CTDP1: variants seen among roughly 807,000 people sequenced by gnomAD.
CTDP1 encodes the protein RNA polymerase II subunit A C-terminal domain phosphatase.
A neutral mutation model predicts 91.8 loss-of-function variants in CTDP1; 47 were observed. That is an observed-to-expected ratio of 0.51 (90% CI 0.41 to 0.65). CTDP1 has a LOEUF of 0.65. CTDP1 is among the 30% of genes least tolerant of loss of function. The probability of loss-of-function intolerance (pLI) is 0.00; values close to 1 mark genes in which losing one functional copy is unlikely to be tolerated. For synonymous variants in CTDP1, 656 were observed against 598.5 expected (o/e 1.10, Z -1.40); for missense variants, 1,272 against 1,373.7 (o/e 0.93, Z 1.17).
intron 4 of CTDP1, among the ~76,000 whole-genome samples, chr18:79,700,047 C>T (rs1322576313): frequency 6.6e-6 from 1 of 152,140 alleles, no homozygotes; most frequent in African/African-American, 2.4e-5. Flanking sequence ...CCACATAAGA[C>T]GGCAAACGTA....
At chr18:79,706,490 G>C (rs2122570086) in intron 5 of CTDP1, among the ~76,000 whole-genome samples, 1 of 152,136 alleles carries the variant, frequency 6.6e-6, no homozygotes, top group South Asian at 2.1e-4. Flanking sequence ...CAAATGTCAG[G>C]GAAAGACTAA....
rs145888904 is a variant in CTDP1 at position 79,715,309 on chromosome 18, G to A, written c.1849G>A (p.Glu617Lys). ...TGACCGCTACCTCAACAAGGAGATC[G>A]AGGAGGCGCCGGACATCCGCAAGAT... ...KYDRYLNKEI[E>K]EAPDIRKIVP... is the part of the protein sequence containing the mutation. The change falls in exon 8 of 13, where the codon GAG (glutamate) becomes AAG (lysine). Residue 617 changes from glutamate to lysine, a missense_variant. Physicochemically the swap from Glu to Lys is moderately conservative, Grantham distance 56 (BLOSUM62 1). This residue lies in a region of CTDP1 where 881 missense variants were observed against 911.6 expected (regional missense o/e 0.97). Transcript: ENST00000613122. 99 of 1,609,640 alleles carry A rather than the reference G, an allele frequency of 6.2e-5. No individual in the cohort carries two copies. The highest frequency in any genetic ancestry group is 1.6e-4 in the Middle Eastern group (1 of 6,080).
intron 1 of CTDP1, among the ~76,000 whole-genome samples, chr18:79,694,900 A>G (rs2085716224): frequency 6.6e-6 from 1 of 152,228 alleles, no homozygotes; most frequent in African/African-American, 2.4e-5. Context: ...ACATATAAAT[A>G]GTGTGTTTTG....
intron 12 of CTDP1, among the ~76,000 whole-genome samples, chr18:79,747,959 A>G (rs1385342660): frequency 1.3e-5 from 2 of 152,180 alleles, no homozygotes; most frequent in Non-Finnish European, 2.9e-5. Context: ...GGAAAACTGA[A>G]ATATGGGGGT....
Position 79,679,896 on chromosome 18 carries a change from TCTGAGCGCAGCG to T in CTDP1, c.-50_-39del, listed in dbSNP as rs1442500693. 7.6e-6 allele frequency: 10 copies of T among 1,318,344 alleles called. No homozygotes were observed. The highest frequency in any genetic ancestry group is 3.4e-5 in the East Asian group (1 of 29,272). The allele number at this position is 1,318,344 out of a possible 1,614,324, so 81.7% of individuals were successfully genotyped here. A position where few individuals can be genotyped will look rare whatever the true frequency, so the allele number is the denominator to read the frequency against. On this transcript the variant is annotated 5_prime_UTR_variant, in exon 1 of 13. Coordinates refer to ENST00000613122, the MANE Select transcript of CTDP1 (RefSeq NM_004715.5). ...TGTGTCGCCGCGGTAGGCGCTGCGC[TCTGAGCGCAGCG>T]CAGGCCCCGTACCGACCGCCCGCCC... is the stretch of plus-strand genomic sequence containing the variant.
rs777934053 is a variant in CTDP1 at position 79,729,099 on chromosome 18, G to A, written c.2580+30G>A. On this transcript the variant is annotated intron_variant, in intron 11 of 12. Transcript: ENST00000613122. ...GCCAACCCCACGCCCCGGTGCCCGC[G>A]CCAGCGCTCGTGCTGGGGCCGCAGA... is the stretch of plus-strand genomic sequence containing the variant. 4.3e-6 allele frequency: 7 copies of A among 1,611,540 alleles called. No homozygotes were observed. In the Admixed American group the frequency reaches 5.0e-5, roughly 12 times the overall value.
At chr18:79,751,381 A>G (rs2122905291) in intron 12 of CTDP1, among the ~76,000 whole-genome samples, 1 of 152,212 alleles carries the variant, frequency 6.6e-6, no homozygotes, top group Middle Eastern at 3.4e-3. Flanking sequence ...AGGGGCTGTC[A>G]TCCTACGGCC....
intron 12 of CTDP1, among the ~76,000 whole-genome samples, chr18:79,739,735 G>A (rs748114546): frequency 6.6e-6 from 1 of 152,202 alleles, no homozygotes; most frequent in Non-Finnish European, 1.5e-5. Context: ...TGTCCTGGGA[G>A]TCTGTTCAGG....
chr18:79,738,392 G>C (rs1429116295), intron 12 of CTDP1, among the ~76,000 whole-genome samples: 1 of 152,204 alleles, frequency 6.6e-6, no homozygotes, highest in Non-Finnish European at 1.5e-5. Flanking sequence ...TCTTGCATCT[G>C]CTGCGGGGCC....
chr18:79,728,474 C>A (rs1021194880), intron 10 of CTDP1, among the ~76,000 whole-genome samples: 1 of 152,146 alleles, frequency 6.6e-6, no homozygotes, highest in Non-Finnish European at 1.5e-5. Flanking sequence ...TTTTCGTAGC[C>A]TGGAGATGTT....
At chr18:79,685,697 G>A (rs1040319479) in intron 1 of CTDP1, 1 of 152,134 alleles carries the variant, frequency 6.6e-6, no homozygotes, top group African/African-American at 2.4e-5. Context: ...ATTAGTCCCC[G>A]AATTTATTGT....
intron 11 of CTDP1, among the ~76,000 whole-genome samples, chr18:79,734,571 C>T (rs2086629734): frequency 6.6e-6 from 1 of 151,066 alleles, no homozygotes; most frequent in Non-Finnish European, 1.5e-5. Context: ...TGAGGCCCTC[C>T]CAGGTGGGGC....
chr18:79,752,411 G>A (rs1408207329), intron 12 of CTDP1, among the ~76,000 whole-genome samples: 11 of 102,918 alleles, frequency 1.1e-4, no homozygotes, highest in African/African-American at 3.4e-4. Context: ...AGTGGCACCG[G>A]CTGGTTATGC....
Position 79,717,849 on chromosome 18 carries a change from GCCCC to G in CTDP1, c.2253_2256del (p.Thr753ProfsTer101). On this transcript the variant is annotated frameshift_variant, in exon 10 of 13. Transcript: ENST00000613122. LOFTEE classifies it high-confidence loss of function. ...CGGCCTTTCCCGACCGGGAGGGTGT[GCCCC>G]CCACCGCCTTGTTCCACCCGATGCC... The G allele has an allele frequency of 6.2e-7, 1 of 1,613,548 alleles. No homozygotes were observed. The highest frequency in any genetic ancestry group is 1.3e-5 in the African/African-American group (1 of 75,046).
At chr18:79,733,144 G>A (rs577274932) in intron 11 of CTDP1, among the ~76,000 whole-genome samples, 245 of 152,302 alleles carry the variant, frequency 1.6e-3, no homozygotes, top group African/African-American at 5.6e-3. Context: ...TGTTGTGTGT[G>A]TGGATCCTCA....
At chr18:79,685,770 C>T (rs1278506645) in intron 1 of CTDP1, among the ~76,000 whole-genome samples, 12 of 152,166 alleles carry the variant, frequency 7.9e-5, no homozygotes, top group South Asian at 2.1e-4. Flanking sequence ...GCACGAACGT[C>T]GTCACCTAAG....
chr18:79,693,664 C>G (rs1181120241), intron 1 of CTDP1, among the ~76,000 whole-genome samples: 1 of 152,198 alleles, frequency 6.6e-6, no homozygotes, highest in Non-Finnish European at 1.5e-5. Flanking sequence ...TTGATAGTCA[C>G]CGGCAGCCCA....
rs1448278160 is a variant in CTDP1, at chr18:79,697,943, G to A, written c.576G>A (p.Thr192=). 13 of 1,614,108 alleles carry A rather than the reference G, an allele frequency of 8.1e-6. No individual in the cohort carries two copies. The highest frequency in any genetic ancestry group is 1.1e-5 in the South Asian group (1 of 91,086). ...TGCTCATGGTGGACTTGGACCAGAC[G>A]TTGATTCACACAACCGAGCAGCACT... is the stretch of plus-strand genomic sequence containing the variant. ...KLVLMVDLDQ[T]LIHTTEQHCQ... is the part of the protein sequence containing the mutation. The change falls in exon 4 of 13, where the codon ACG becomes ACA. Residue 192 remains threonine (T), a synonymous_variant. Transcript: ENST00000613122.
intron 1 of CTDP1, chr18:79,680,721 G>A (rs1175549366): frequency 2.0e-5 from 3 of 153,300 alleles, no homozygotes; most frequent in Non-Finnish European, 4.4e-5. Flanking sequence ...GTGCAGTTCT[G>A]TTTCGTGGCT....
Sources: gnomAD v4.1 joint callset for allele counts (sites outside exome capture counted in the v4.1 genomes callset) on GRCh38, gnomAD v4.1.1 for gene constraint, gnomAD v4.1.1 regional missense constraint, MANE v1.5 for transcripts, NCBI Gene and HGNC (gene_info 2026-07-23, HGNC 2026-07-21) for gene names.